PRORP: variants seen among roughly 807,000 people sequenced by gnomAD.
The protein encoded by PRORP is mitochondrial ribonuclease P catalytic subunit.
In PRORP, 51 loss-of-function variants were observed where a neutral mutation model predicts 59.4. The observed-to-expected ratio is 0.86, with a 90% CI of 0.69 to 1.08. The LOEUF (loss-of-function observed/expected upper bound fraction) is 1.08. Ranked by LOEUF, PRORP falls within the 50% of genes least tolerant of loss-of-function variation. The pLI is 0.00. For missense variants in PRORP, 646 were observed against 690.3 expected, an observed-to-expected ratio of 0.94 and a Z score of 0.72; for synonymous variants, 231 against 245.6, an observed-to-expected ratio of 0.94 and a Z score of 0.55.
At position 35,266,758 on chromosome 14, in the gene PRORP, G is replaced by C; in HGVS notation, c.1307G>C (p.Arg436Pro). The C allele has an allele frequency of 6.2e-7, 1 of 1,614,060 alleles. No homozygotes were observed. Among genetic ancestry groups the C allele is most frequent in the Non-Finnish European group, 8.5e-7 (1 of 1,179,992 alleles). The change falls in exon 6 of 8, where the codon CGG becomes CCG. Residue 436 changes from arginine to proline, a missense_variant. By Grantham distance (103) the Arg-to-Pro change is moderately radical. Transcript: ENST00000534898. Reference protein sequence around the residue: ...LLNVVSQLAKRNLRLLVLGRK... With the variant: ...LLNVVSQLAKPNLRLLVLGRK... ...AATGTCGTCTCTCAACTAGCCAAACGGAATCTGCGACTGCTGGTCCTAGGC... is the reference window on the plus strand; with the variant it reads ...AATGTCGTCTCTCAACTAGCCAAACCGAATCTGCGACTGCTGGTCCTAGGC...
intron 4 of PRORP, among the ~76,000 whole-genome samples, chr14:35,157,649 C>A (rs2047948949): frequency 6.6e-6 from 1 of 152,178 alleles, no homozygotes; most frequent in African/African-American, 2.4e-5. Flanking sequence ...CTTGGCCTCC[C>A]AAAGTGCTGG....
intron 5 of PRORP, among the ~76,000 whole-genome samples, chr14:35,184,451 C>G (rs934507148): frequency 2.0e-5 from 3 of 152,072 alleles, no homozygotes; most frequent in African/African-American, 7.2e-5. Flanking sequence ...ACATTGCCAC[C>G]TCAGTTGAAT....
intron 5 of PRORP, among the ~76,000 whole-genome samples, chr14:35,207,699 A>C (rs59193012): frequency 0.021 from 3,257 of 152,280 alleles, 116 homozygotes; most frequent in African/African-American, 0.072. Flanking sequence ...TCTATCCCTC[A>C]ATTCATTCAT....
At chr14:35,173,084 T>G (rs1244579221) in intron 4 of PRORP, among the ~76,000 whole-genome samples, 4 of 152,038 alleles carry the variant, frequency 2.6e-5, no homozygotes, top group African/African-American at 9.7e-5. Context: ...GCCGGGCTGG[T>G]CTTGAACTCC....
At chr14:35,216,514 G>T (rs1048823715) in intron 5 of PRORP, among the ~76,000 whole-genome samples, 3 of 152,016 alleles carry the variant, frequency 2.0e-5, no homozygotes, top group Non-Finnish European at 2.9e-5. Flanking sequence ...TCACTAGGTT[G>T]TCCACACTGG....
chr14:35,201,847 G>T (rs1233228341), intron 5 of PRORP, among the ~76,000 whole-genome samples: 1 of 151,914 alleles, frequency 6.6e-6, no homozygotes, highest in Admixed American at 6.6e-5. Context: ...TAGTAGAGAT[G>T]GGGTTTCACT....
intron 4 of PRORP, among the ~76,000 whole-genome samples, chr14:35,152,136 C>T (rs553250962): frequency 3.3e-5 from 5 of 152,180 alleles, no homozygotes; most frequent in East Asian, 1.9e-4. Flanking sequence ...TGATGACTCT[C>T]AACGAGCATG....
At chr14:35,193,860 A>G (rs1334185264) in intron 5 of PRORP, among the ~76,000 whole-genome samples, 1 of 152,194 alleles carries the variant, frequency 6.6e-6, no homozygotes. Flanking sequence ...CTCTCTTAAC[A>G]TCTGGCTTTA....
intron 5 of PRORP, among the ~76,000 whole-genome samples, chr14:35,190,463 G>T (rs2048855589): frequency 6.6e-6 from 1 of 151,162 alleles, no homozygotes; most frequent in African/African-American, 2.4e-5. Context: ...AGAGTATGTT[G>T]TAATTTTGAA....
At chr14:35,272,309 C>T (rs115481060) in intron 7 of PRORP, among the ~76,000 whole-genome samples, 4,540 of 152,172 alleles carry the variant, frequency 0.03, 199 homozygotes, top group African/African-American at 0.098. Context: ...TGTTATTCGT[C>T]AATTTAAAAA....
At chr14:35,241,353 G>A (rs950991965) in intron 5 of PRORP, among the ~76,000 whole-genome samples, 5 of 151,840 alleles carry the variant, frequency 3.3e-5, no homozygotes, top group Non-Finnish European at 7.4e-5. Context: ...ACGCCAGCCT[G>A]GGTGACAGAG....
At chr14:35,235,284 C>G (rs758099176) in intron 5 of PRORP, 5 of 690,288 alleles carry the variant, frequency 7.2e-6, no homozygotes, top group Non-Finnish European at 1.1e-5. Context: ...CGGATTTCAT[C>G]ATATCTGTCA....
Position 35,235,599 on chromosome 14 carries a change from C to T in PRORP, c.1276-31128C>T, listed in dbSNP as rs148516429. On this transcript the variant is annotated intron_variant, in intron 5 of 7. Coordinates refer to ENST00000534898, the MANE Select transcript of PRORP (RefSeq NM_014672.4). Reference sequence around the variant, plus strand: ...GGTGGTCTTTTAGTGGGGACGTCCCCTTTGCCAGCAGCTTTCTTCTTGGCC... The same window carrying T: ...GGTGGTCTTTTAGTGGGGACGTCCCTTTTGCCAGCAGCTTTCTTCTTGGCC... 9.2e-4 allele frequency: 451 copies of T among 488,650 alleles called. 3 individuals carry two copies. The highest frequency in any genetic ancestry group is 5.8e-3 in the African/African-American group (290 of 50,276). The allele number at this position is 488,650 out of a possible 1,614,324, so 30.3% of individuals were successfully genotyped here.
chr14:35,187,742 G>A (rs186334831), intron 5 of PRORP, among the ~76,000 whole-genome samples: 113 of 151,834 alleles, frequency 7.4e-4, no homozygotes, highest in Admixed American at 2.4e-3. Flanking sequence ...GTATCTTGTA[G>A]TTTTGATTTG....
intron 5 of PRORP, among the ~76,000 whole-genome samples, chr14:35,181,707 C>G (rs772859054): frequency 1.0e-4 from 15 of 147,898 alleles, no homozygotes; most frequent in Non-Finnish European, 2.1e-4. Flanking sequence ...ATTGCTTGAA[C>G]CTGGGAGGCG....
chr14:35,190,592 G>A (rs1316116636), intron 5 of PRORP, among the ~76,000 whole-genome samples: 5 of 151,840 alleles, frequency 3.3e-5, no homozygotes, highest in Admixed American at 6.6e-5. Context: ...TGCAACCTCC[G>A]CCTCCGGAGT....
At chr14:35,142,758 G>A (rs937046503) in intron 4 of PRORP, among the ~76,000 whole-genome samples, 2 of 144,630 alleles carry the variant, frequency 1.4e-5, no homozygotes, top group Non-Finnish European at 3.1e-5. Context: ...CAGGAGAATT[G>A]CTTGAACCCA....
chr14:35,236,525 A>G (rs1390474462), intron 5 of PRORP, among the ~76,000 whole-genome samples: 2 of 152,168 alleles, frequency 1.3e-5, no homozygotes, highest in Non-Finnish European at 2.9e-5. Context: ...GACAGCAGTA[A>G]CTTCCTAATT....
At chr14:35,122,294 G>C (rs2046936399), upstream of PRORP, 1 of 321,570 alleles carries the variant, frequency 3.1e-6, no homozygotes, top group East Asian at 6.1e-5. Context: ...TGCGCACCAC[G>C]TGACCCAGGA....
Sources: gnomAD v4.1 joint callset for allele counts (sites outside exome capture counted in the v4.1 genomes callset) on GRCh38, gnomAD v4.1.1 for gene constraint, MANE v1.5 for transcripts, NCBI Gene and HGNC (gene_info 2026-07-23, HGNC 2026-07-21) for gene names.